LRP12: variants seen among roughly 807,000 people sequenced by gnomAD.
LRP12 encodes the protein low-density lipoprotein receptor-related protein 12.
A neutral mutation model predicts 66.0 loss-of-function variants in LRP12; 14 were observed. The ratio of observed to expected loss-of-function variants is 0.21; its 90% CI spans 0.14 to 0.33. The LOEUF (loss-of-function observed/expected upper bound fraction) is 0.33. LRP12 is among the 10% of genes least tolerant of loss of function. The pLI, the probability that LRP12 is intolerant of heterozygous loss-of-function variation, is 1.00. For synonymous variants in LRP12, 357 were observed against 359.1 expected (o/e 0.99, Z 0.07); for missense variants, 889 against 1,053.4 (o/e 0.84, Z 2.16).
At position 104,497,337 on chromosome 8, in the gene LRP12, C is replaced by T; in HGVS notation, c.1215G>A (p.Arg405=). 3 of 1,613,998 alleles carry T rather than the reference C, an allele frequency of 1.9e-6. No homozygotes were observed. Among genetic ancestry groups the T allele is most frequent in the South Asian group, 2.2e-5 (2 of 91,046 alleles). ...CDGYWHCPNG[R]DETNCTMCQK... is the part of the protein sequence containing the mutation. ...GGCACATGGTACAATTGGTTTCATCCCTTCCATTTGGGCAATGCCAATACC... is the reference window on the plus strand; with the variant it reads ...GGCACATGGTACAATTGGTTTCATCTCTTCCATTTGGGCAATGCCAATACC... The change falls in exon 5 of 7, where the codon AGG becomes AGA. Residue 405 remains arginine (R), a synonymous_variant. Coordinates refer to ENST00000276654, the MANE Select transcript of LRP12 (RefSeq NM_013437.5). The surrounding 1 kb of genome is among the most constrained non-coding windows in gnomAD (Gnocchi z 4.3).
intron 1 of LRP12, among the ~76,000 whole-genome samples, chr8:104,532,624 A>T (rs1228886604): frequency 6.6e-6 from 1 of 152,156 alleles, no homozygotes; most frequent in Non-Finnish European, 1.5e-5. Context: ...CAGACAAAGA[A>T]TTCTCCTCGG....
intron 1 of LRP12, among the ~76,000 whole-genome samples, chr8:104,582,281 T>G (rs1812264067): frequency 6.6e-6 from 1 of 152,184 alleles, no homozygotes; most frequent in African/African-American, 2.4e-5. Context: ...AATGAGTTAT[T>G]AACTATTTAA....
At position 104,589,134 on chromosome 8, in the gene LRP12, C is replaced by T; in HGVS notation, c.-237G>A. On this transcript the variant is annotated 5_prime_UTR_variant, in exon 1 of 7. It adds an upstream start codon to the 5' untranslated region. Transcript: ENST00000276654. ...CACCCCGGGCGGTGCGAGAGCCCCA[C>T]GCGGGGCGGCCCTCCTGGGGGCAAG... 5.5e-6 allele frequency: 1 copy of T among 182,942 alleles called. No individual in the cohort carries two copies. Among genetic ancestry groups the T allele is most frequent in the Non-Finnish European group, 1.1e-5 (1 of 90,194 alleles). 11.3% of individuals were successfully genotyped at this position (182,942 alleles called of 1,614,324 possible). A position where few individuals can be genotyped will look rare whatever the true frequency, so the allele number is the denominator to read the frequency against.
At chr8:104,585,827 G>A (rs909152340) in intron 1 of LRP12, among the ~76,000 whole-genome samples, 1 of 152,146 alleles carries the variant, frequency 6.6e-6, no homozygotes, top group Non-Finnish European at 1.5e-5. Context: ...ATAAAGCAAC[G>A]GAACTGTCAG....
At chr8:104,517,569 ACT>A (rs1811090526) in intron 2 of LRP12, among the ~76,000 whole-genome samples, 1 of 151,974 alleles carries the variant, frequency 6.6e-6, no homozygotes, top group African/African-American at 2.4e-5. Context: ...AATTATAAAA[ACT>A]CATCTTTTTG....
intron 1 of LRP12, among the ~76,000 whole-genome samples, chr8:104,548,762 T>C (rs919519922): frequency 6.6e-6 from 1 of 150,864 alleles, no homozygotes; most frequent in Non-Finnish European, 1.5e-5. Flanking sequence ...CTGACCAACA[T>C]GGAGAAACCC....
chr8:104,588,844 G>A lies in LRP12; in HGVS notation c.54C>T (p.Leu18=). Residue 18 remains leucine, a synonymous_variant, in exon 1 of 7, where the codon CTC becomes CTT. Coordinates refer to ENST00000276654, the MANE Select transcript of LRP12 (RefSeq NM_013437.5). ...KESPRWRSAL[L]LLFLAGVYGN... is the part of the protein sequence containing the mutation. ...CGTACACCCCAGCGAGGAAAAGCAA[G>A]AGCAACGCAGACCTCCACCGCGGAG... 1 of 1,612,684 alleles carries A rather than the reference G, an allele frequency of 6.2e-7. No homozygotes were observed. The highest frequency in any genetic ancestry group is 8.5e-7 in the Non-Finnish European group (1 of 1,179,446).
At chr8:104,522,873 A>C (rs1323883107) in intron 2 of LRP12, among the ~76,000 whole-genome samples, 1 of 152,142 alleles carries the variant, frequency 6.6e-6, no homozygotes, top group East Asian at 1.9e-4. Context: ...GTTTGACAGC[A>C]AATAAAAGGT....
intron 1 of LRP12, among the ~76,000 whole-genome samples, chr8:104,583,242 A>C (rs914677493): frequency 6.6e-6 from 1 of 152,176 alleles, no homozygotes; most frequent in African/African-American, 2.4e-5. Context: ...CAAACTCTTT[A>C]CCATGGATTC....
At chr8:104,587,782 T>C (rs1219467968) in intron 1 of LRP12, among the ~76,000 whole-genome samples, 1 of 152,214 alleles carries the variant, frequency 6.6e-6, no homozygotes, top group African/African-American at 2.4e-5. Context: ...GCAAATGAAT[T>C]AGACTTTTTA....
At chr8:104,507,325 T>TTAGC (rs1411503728) in intron 3 of LRP12, 6 of 152,234 alleles carry the variant, frequency 3.9e-5, no homozygotes, top group Non-Finnish European at 1.5e-5. Flanking sequence ...AAATTTTCCT[T>TTAGC]TAGCTGTAGG....
chr8:104,497,913 T>C lies in LRP12; in HGVS notation c.639A>G (p.Gln213=). ...ACTGGAACTGGTTGTAAGCACAGGG[T>C]TGAAAAGCAGCAGCAGTTGGAGGAT... ...EANPPTAAAF[Q]PCAYNQFQCL... The change falls in exon 5 of 7, where the codon CAA becomes CAG. Residue 213 remains glutamine (Q), a synonymous_variant. Transcript: ENST00000276654. This position sits in a 1 kb window ranked among gnomAD's most constrained non-coding sequence, Gnocchi z 4.3. 6.2e-7 allele frequency: 1 copy of C among 1,614,146 alleles called. No individual in the cohort carries two copies. Among genetic ancestry groups the C allele is most frequent in the East Asian group, 2.2e-5 (1 of 44,870 alleles).
At chr8:104,582,671 A>C (rs1036994435) in intron 1 of LRP12, among the ~76,000 whole-genome samples, 2 of 152,154 alleles carry the variant, frequency 1.3e-5, no homozygotes, top group Non-Finnish European at 2.9e-5. Context: ...ACCCTTCTTA[A>C]GGTTCCTCCC....
intron 1 of LRP12, among the ~76,000 whole-genome samples, chr8:104,533,874 A>C (rs2140864363): frequency 6.6e-6 from 1 of 152,118 alleles, no homozygotes; most frequent in Non-Finnish European, 1.5e-5. Context: ...CAAAAACAGA[A>C]GGCAAAAAAC....
chr8:104,585,942 C>A (rs1234277316), intron 1 of LRP12, among the ~76,000 whole-genome samples: 1 of 152,194 alleles, frequency 6.6e-6, no homozygotes, highest in Non-Finnish European at 1.5e-5. Context: ...CGAGACATCC[C>A]TATGTGAAAA....
intron 1 of LRP12, among the ~76,000 whole-genome samples, chr8:104,546,999 T>G (rs1284090287): frequency 6.9e-6 from 1 of 145,172 alleles, no homozygotes; most frequent in South Asian, 2.1e-4. Context: ...ATATAATATA[T>G]AATTATATAT....
intron 3 of LRP12, among the ~76,000 whole-genome samples, chr8:104,500,841 A>G (rs545798475): frequency 1.8e-4 from 27 of 152,242 alleles, no homozygotes; most frequent in Non-Finnish European, 3.5e-4. Flanking sequence ...ATTCCTCTTT[A>G]AATCTGACAG....
Position 104,548,170 on chromosome 8 carries a change from T to A in LRP12, c.80-16207A>T, listed in dbSNP as rs367623610. Among the ~76,000 whole-genome samples the A allele has an allele frequency of 9.7e-3, 289 of 29,774 alleles. 6 individuals are homozygous for A. The highest frequency in any genetic ancestry group is 0.031 in the African/African-American group (104 of 3,398). The allele number at this position is 29,774 out of a possible 152,430, so 19.5% of individuals were successfully genotyped here. A position where few individuals can be genotyped will look rare whatever the true frequency, so the allele number is the denominator to read the frequency against. On this transcript the variant is annotated intron_variant, in intron 1 of 6. Transcript: ENST00000276654. Reference sequence around the variant, plus strand: ...ATTATATATTAATAATTATTATATATAATATAATATATAATATATATATAA... The same window carrying A: ...ATTATATATTAATAATTATTATATAAAATATAATATATAATATATATATAA...
intron 1 of LRP12, among the ~76,000 whole-genome samples, chr8:104,548,573 CTA>C (rs1389975143): frequency 3.0e-4 from 24 of 81,092 alleles, no homozygotes; most frequent in Admixed American, 9.7e-4. Flanking sequence ...AATTATAATT[CTA>C]TATTATATTT....
Sources: allele counts gnomAD v4.1 joint callset (sites outside exome capture counted in the v4.1 genomes callset), GRCh38; gene constraint gnomAD v4.1.1; non-coding constraint Gnocchi (gnomAD v3.1); transcripts MANE v1.5; gene names NCBI Gene and HGNC (gene_info 2026-07-23, HGNC 2026-07-21).